The following PTPN4 variants were observed in gnomAD, a reference collection of about 807,000 sequenced individuals.
PTPN4 encodes the protein protein tyrosine phosphatase non-receptor type 4.
PTPN4 carries 49 observed loss-of-function variants against 135.5 expected under a neutral mutation model. The ratio of observed to expected loss-of-function variants is 0.36; its 90% CI spans 0.29 to 0.46. The LOEUF (loss-of-function observed/expected upper bound fraction) is 0.46, where lower values mean the gene tolerates loss of function less well. Among genes scored for constraint, PTPN4 ranks in the 20% least tolerant of loss-of-function variants. The pLI is 1.00. For synonymous variants in PTPN4, 333 were observed against 369.9 expected (o/e 0.90, Z 1.14); for missense variants, 860 against 1,101.0 (o/e 0.78, Z 3.10).
At chr2:119,843,744 G>C (rs1308095550) in intron 2 of PTPN4, among the ~76,000 whole-genome samples, 2 of 52,704 alleles carry the variant, frequency 3.8e-5, no homozygotes, top group East Asian at 5.2e-4. Flanking sequence ...TGGCCGGGCG[G>C]GGGGGCTGAC....
chr2:119,862,904 C>T lies in PTPN4; in HGVS notation c.246+261C>T, dbSNP rs1677781799. ...GTCTCAGACAACTAAAAAGTAAATC[C>T]AATTTATGCCTGTTGACTGAAAGAG... On this transcript the variant is annotated intron_variant, in intron 3 of 26. Transcript: ENST00000263708. Among the ~76,000 whole-genome samples, 5 of 151,928 alleles carry T rather than the reference C, an allele frequency of 3.3e-5. No individual in the cohort carries two copies. The South Asian group carries it at 1.0e-3, about 32-fold the overall frequency.
At chr2:119,801,662 G>A (rs1298168016) in intron 1 of PTPN4, among the ~76,000 whole-genome samples, 1 of 152,006 alleles carries the variant, frequency 6.6e-6, no homozygotes, top group African/African-American at 2.4e-5. Flanking sequence ...TTGTTTAGCA[G>A]TTGCAAATTA....
At chr2:119,966,210 A>G (rs1430737249) in intron 25 of PTPN4, among the ~76,000 whole-genome samples, 4 of 152,090 alleles carry the variant, frequency 2.6e-5, no homozygotes, top group African/African-American at 7.2e-5. Context: ...CTTTTATATA[A>G]GCGCTTTAAT....
At chr2:119,958,328 T>TG (rs1553476926) in intron 22 of PTPN4, among the ~76,000 whole-genome samples, 3 of 134,818 alleles carry the variant, frequency 2.2e-5, no homozygotes, top group African/African-American at 8.3e-5. Context: ...AAGACCCGTC[T>TG]AAAAAAAAAA....
chr2:119,825,417 A>T (rs1677131994), intron 2 of PTPN4, among the ~76,000 whole-genome samples: 1 of 151,736 alleles, frequency 6.6e-6, no homozygotes, highest in Admixed American at 6.6e-5. Flanking sequence ...TTTTACAGAT[A>T]GAGGAATCAA....
intron 26 of PTPN4, among the ~76,000 whole-genome samples, chr2:119,970,472 C>G (rs1304941473): frequency 1.3e-5 from 2 of 152,130 alleles, no homozygotes; most frequent in Non-Finnish European, 2.9e-5. Context: ...TCCCCCAACC[C>G]CCAACCTCCA....
chr2:119,910,177 C>T (rs1161802340), intron 10 of PTPN4, among the ~76,000 whole-genome samples: 13 of 151,970 alleles, frequency 8.6e-5, no homozygotes, highest in Non-Finnish European at 1.3e-4. Flanking sequence ...CAAGACCCTC[C>T]ACCAACAAAA....
chr2:119,857,744 T>C (rs1313340482), intron 2 of PTPN4, among the ~76,000 whole-genome samples: 6 of 152,218 alleles, frequency 3.9e-5, no homozygotes, highest in Non-Finnish European at 5.9e-5. Context: ...TTCATTCCTA[T>C]TGAGTATTTT....
chr2:119,867,857 G>T (rs1024245023), intron 3 of PTPN4, among the ~76,000 whole-genome samples: 15 of 152,260 alleles, frequency 9.9e-5, no homozygotes, highest in African/African-American at 3.4e-4. Flanking sequence ...CATGTCTTTT[G>T]TAAATAGGGA....
At chr2:119,969,575 T>C (rs1679497225) in intron 26 of PTPN4, among the ~76,000 whole-genome samples, 3 of 147,574 alleles carry the variant, frequency 2.0e-5, no homozygotes, top group African/African-American at 7.5e-5. Flanking sequence ...TTTTTTTTTT[T>C]TGAGACGGAG....
At chr2:119,930,913 A>G (rs1420069005) in intron 13 of PTPN4, among the ~76,000 whole-genome samples, 1 of 152,066 alleles carries the variant, frequency 6.6e-6, no homozygotes, top group African/African-American at 2.4e-5. Flanking sequence ...AAGCAAGTCC[A>G]ATACTACCTG....
At chr2:119,958,346 C>G (rs977484607) in intron 22 of PTPN4, among the ~76,000 whole-genome samples, 19 of 143,146 alleles carry the variant, frequency 1.3e-4, no homozygotes, top group Non-Finnish European at 2.6e-4. Flanking sequence ...AAAAAAAGAA[C>G]AATGAAAATA....
intron 3 of PTPN4, among the ~76,000 whole-genome samples, chr2:119,874,831 A>G (rs1016996317): frequency 2.6e-5 from 4 of 152,182 alleles, no homozygotes; most frequent in Non-Finnish European, 5.9e-5. Context: ...TGCATTTTAT[A>G]ATTTGATAAA....
intron 2 of PTPN4, among the ~76,000 whole-genome samples, chr2:119,817,224 T>G (rs2104953187): frequency 6.6e-6 from 1 of 152,298 alleles, no homozygotes; most frequent in South Asian, 2.1e-4. Context: ...TCATCTTGAG[T>G]TAATTTTTGT....
intron 2 of PTPN4, among the ~76,000 whole-genome samples, chr2:119,844,583 G>T (rs1033134424): frequency 6.6e-6 from 1 of 150,796 alleles, no homozygotes; most frequent in African/African-American, 2.4e-5. Flanking sequence ...CGGGGTCTCG[G>T]CCGGGCAGAG....
At chr2:119,961,004 C>A in intron 23 of PTPN4, 51 bp downstream of exon 23, 1 of 1,561,056 alleles carries the variant, frequency 6.4e-7, no homozygotes, top group Non-Finnish European at 8.7e-7. Context: ...TCAAATTATA[C>A]TGCACATATG....
intron 1 of PTPN4, among the ~76,000 whole-genome samples, chr2:119,796,110 G>C (rs1691253964): frequency 6.7e-6 from 1 of 148,720 alleles, no homozygotes. Flanking sequence ...TGGCCCAGAG[G>C]CTGCCTCAGG....
chr2:119,827,269 TGGG>T (rs1558737683), intron 2 of PTPN4, among the ~76,000 whole-genome samples: 1 of 152,146 alleles, frequency 6.6e-6, no homozygotes, highest in East Asian at 1.9e-4. Flanking sequence ...ATCACCCTGT[TGGG>T]GGGAAATCTA....
At chr2:119,913,438 T>A (rs1678602635) in intron 10 of PTPN4, among the ~76,000 whole-genome samples, 1 of 152,214 alleles carries the variant, frequency 6.6e-6, no homozygotes, top group East Asian at 1.9e-4. Context: ...ATAATGAGTG[T>A]CTTTTCAAGT....
Sources: gnomAD v4.1 joint callset for allele counts (sites outside exome capture counted in the v4.1 genomes callset) on GRCh38, gnomAD v4.1.1 for gene constraint, MANE v1.5 for transcripts, NCBI Gene and HGNC (gene_info 2026-07-23, HGNC 2026-07-21) for gene names.